The following OR11A1 variants were observed in gnomAD, a reference collection of about 807,000 sequenced individuals.
The protein encoded by OR11A1 is olfactory receptor family 11 subfamily A member 1, also known as olfactory receptor 11A1.
For synonymous variants in OR11A1, 158 were observed against 152.2 expected (o/e 1.04, Z -0.28); for missense variants, 380 against 378.2 (o/e 1.00, Z -0.04).
At chr6:29,454,354 G>C (rs2151408648) in intron 1 of OR11A1, among the ~76,000 whole-genome samples, 1 of 151,902 alleles carries the variant, frequency 6.6e-6, no homozygotes, top group East Asian at 1.9e-4. Context: ...CTGGGGCCCA[G>C]ATGGAAAAAA....
chr6:29,426,110 TACA>T lies in OR11A1; in HGVS notation c.*581_*583del, dbSNP rs1327208332. ...CATAGAAAGAAATTTTTAAATGTCA[TACA>T]ACAATAATATAAAAAACAATATTTC... On this transcript the variant is annotated 3_prime_UTR_variant, in exon 5 of 5. Coordinates refer to ENST00000377149, the MANE Select transcript of OR11A1 (RefSeq NM_001394828.1). The T allele has an allele frequency of 6.6e-6, 1 of 152,592 alleles. No homozygotes were observed. Among genetic ancestry groups the T allele is most frequent in the Non-Finnish European group, 1.5e-5 (1 of 68,018 alleles). The allele number at this position is 152,592 out of a possible 1,614,324, so 9.5% of individuals were successfully genotyped here.
chr6:29,456,433 C>T (rs2151416707), intron 1 of OR11A1, among the ~76,000 whole-genome samples: 1 of 151,724 alleles, frequency 6.6e-6, no homozygotes, highest in East Asian at 1.9e-4. Context: ...TGGCGTGAAC[C>T]CGGAAGGCAG....
intron 3 of OR11A1, among the ~76,000 whole-genome samples, chr6:29,429,447 C>A (rs1783095199): frequency 6.6e-6 from 1 of 152,112 alleles, no homozygotes; most frequent in African/African-American, 2.4e-5. Context: ...GATAGTGGGC[C>A]AAACAAAACT....
chr6:29,433,837 CTCTTA>C (rs965220324), intron 1 of OR11A1, among the ~76,000 whole-genome samples: 33 of 152,156 alleles, frequency 2.2e-4, no homozygotes, highest in African/African-American at 7.9e-4. Flanking sequence ...CAACATTTAT[CTCTTA>C]TCTTTTCTGT....
At chr6:29,454,368 G>T (rs1166793666) in intron 1 of OR11A1, among the ~76,000 whole-genome samples, 4 of 152,084 alleles carry the variant, frequency 2.6e-5, no homozygotes, top group Non-Finnish European at 5.9e-5. Context: ...GAAAAAAAAG[G>T]CATGAAAGGA....
chr6:29,454,818 T>C (rs1378590036), intron 1 of OR11A1, among the ~76,000 whole-genome samples: 1 of 152,168 alleles, frequency 6.6e-6, no homozygotes, highest in Non-Finnish European at 1.5e-5. Flanking sequence ...CGATATTCTT[T>C]GCAACAAATG....
At chr6:29,449,637 C>CTT (rs528967841) in intron 1 of OR11A1, among the ~76,000 whole-genome samples, 33 of 151,930 alleles carry the variant, frequency 2.2e-4, no homozygotes, top group African/African-American at 7.7e-4. Context: ...CAATCTTTCT[C>CTT]TTTTTTTTGT....
chr6:29,428,622 T>A (rs1236852058), intron 4 of OR11A1, among the ~76,000 whole-genome samples: 2 of 151,662 alleles, frequency 1.3e-5, no homozygotes, highest in African/African-American at 2.4e-5. Flanking sequence ...CCGGGCGTGG[T>A]GGCGGGCGCC....
chr6:29,427,764 T>G, intron 4 of OR11A1, 32 bp from the exon 5 acceptor site: 35 of 1,428,352 alleles, frequency 2.5e-5, no homozygotes, highest in Non-Finnish European at 3.2e-5. Flanking sequence ...AAGACAAAAA[T>G]GAGTCTCTAA....
chr6:29,440,718 A>T, intron 1 of OR11A1: 1 of 1,614,014 alleles, frequency 6.2e-7, no homozygotes, highest in Non-Finnish European at 8.5e-7. Context: ...GGGCCGCCGC[A>T]AGGCCTTCTC....
Position 29,426,356 on chromosome 6 carries a change from C to G in OR11A1, c.*338G>C, listed in dbSNP as rs932458765. On this transcript the variant is annotated 3_prime_UTR_variant, in exon 5 of 5. Coordinates refer to ENST00000377149, the MANE Select transcript of OR11A1 (RefSeq NM_001394828.1). ...AAACATATGGATACATAGAGGGGAACAACACACTGAATCCTACTTGAGGGT... is the reference window on the plus strand; with the variant it reads ...AAACATATGGATACATAGAGGGGAAGAACACACTGAATCCTACTTGAGGGT... 7.6e-5 allele frequency: 19 copies of G among 249,126 alleles called. No homozygotes were observed. Among genetic ancestry groups the G allele is most frequent in the Non-Finnish European group, 1.3e-4 (17 of 129,664 alleles). The allele number at this position is 249,126 out of a possible 1,614,324, so 15.4% of individuals were successfully genotyped here.
At chr6:29,444,427 C>T (rs1264752615) in intron 1 of OR11A1, among the ~76,000 whole-genome samples, 1 of 152,156 alleles carries the variant, frequency 6.6e-6, no homozygotes, top group Non-Finnish European at 1.5e-5. Context: ...ATCTCTACTC[C>T]GTTACTAAAA....
At chr6:29,442,487 T>A (rs973774022) in intron 1 of OR11A1, among the ~76,000 whole-genome samples, 1 of 152,246 alleles carries the variant, frequency 6.6e-6, no homozygotes, top group East Asian at 1.9e-4. Context: ...ATTGCAAACT[T>A]TCTATGTGCC....
chr6:29,426,209 T>C lies in OR11A1; in HGVS notation c.*485A>G, dbSNP rs73403367. 4,533 of 153,732 alleles carry C rather than the reference T, an allele frequency of 0.029. 153 individuals carry two copies. Among genetic ancestry groups the C allele is most frequent in the African/African-American group, 0.083 (3,441 of 41,596 alleles). The allele number at this position is 153,732 out of a possible 1,614,324, so 9.5% of individuals were successfully genotyped here. On this transcript the variant is annotated 3_prime_UTR_variant, in exon 5 of 5. Transcript: ENST00000377149. ...ATATTTAATAAAGAACTAATCAAAG[T>C]TTAAATAATTTTGATTATTTGACAT...
intron 4 of OR11A1, chr6:29,428,357 G>A: frequency 2.0e-6 from 2 of 985,566 alleles, no homozygotes; most frequent in South Asian, 9.4e-5. Context: ...AGCAGAGAAG[G>A]ACCAAACCCA....
At chr6:29,440,309 C>T in intron 1 of OR11A1, 2 of 1,614,122 alleles carry the variant, frequency 1.2e-6, no homozygotes, top group Non-Finnish European at 1.7e-6. Context: ...GATGTGCTCT[C>T]CAGATGTTCT....
chr6:29,439,771 A>G (rs1783946702), intron 1 of OR11A1: 2 of 562,130 alleles, frequency 3.6e-6, no homozygotes, highest in African/African-American at 1.9e-5. Flanking sequence ...TCAGGAAGAG[A>G]TGAAGTCAGG....
At chr6:29,451,965 A>G (rs1435248135) in intron 1 of OR11A1, among the ~76,000 whole-genome samples, 2 of 152,204 alleles carry the variant, frequency 1.3e-5, no homozygotes, top group Non-Finnish European at 2.9e-5. Flanking sequence ...AGAAAAATGC[A>G]TGGTACTTAT....
chr6:29,429,484 T>C (rs1783097478), intron 3 of OR11A1, among the ~76,000 whole-genome samples: 1 of 152,198 alleles, frequency 6.6e-6, no homozygotes, highest in South Asian at 2.1e-4. Context: ...GAGTTTACAC[T>C]CTTGTGTGAC....
Sources: gnomAD v4.1 joint callset for allele counts (sites outside exome capture counted in the v4.1 genomes callset) on GRCh38, gnomAD v4.1.1 for gene constraint, MANE v1.5 for transcripts, NCBI Gene and HGNC (gene_info 2026-07-23, HGNC 2026-07-21) for gene names.